FAT4: variants seen among roughly 807,000 people sequenced by gnomAD.
The protein encoded by FAT4 is protocadherin Fat 4.
A neutral mutation model predicts 303.9 loss-of-function variants in FAT4; 84 were observed. That is an observed-to-expected ratio of 0.28 (90% CI 0.23 to 0.33). FAT4 has a LOEUF of 0.33. Ranked by LOEUF, FAT4 falls within the 10% of genes least tolerant of loss-of-function variation. The probability of loss-of-function intolerance (pLI) is 1.00; values close to 1 mark genes in which losing one functional copy is unlikely to be tolerated. For missense variants in FAT4, 6,005 were observed against 6,146.8 expected (o/e 0.98, Z 0.77); for synonymous variants, 2,307 against 2,298.8 (o/e 1.00, Z -0.10).
intron 12 of FAT4, among the ~76,000 whole-genome samples, chr4:125,472,511 A>G (rs1029023926): frequency 1.3e-5 from 2 of 152,182 alleles, no homozygotes; most frequent in African/African-American, 4.8e-5. Context: ...CCAATTTCAT[A>G]AGGGCATAAG....
chr4:125,438,656 C>G (rs908341712), intron 8 of FAT4, among the ~76,000 whole-genome samples: 2 of 152,020 alleles, frequency 1.3e-5, no homozygotes, highest in African/African-American at 2.4e-5. Flanking sequence ...ATTAACAGGG[C>G]AAACAATTAT....
chr4:125,336,730 T>C (rs899819719), intron 2 of FAT4, among the ~76,000 whole-genome samples: 3 of 151,948 alleles, frequency 2.0e-5, no homozygotes, highest in African/African-American at 7.2e-5. Context: ...TGGTCTTAGT[T>C]GTATTTTAAT....
rs114990775 is a variant in FAT4 at position 125,455,252 on chromosome 4, G to A, written c.11800+2442G>A. On this transcript the variant is annotated intron_variant, in intron 10 of 17. Transcript: ENST00000394329. ...TGTATTAGGTATGGATAAGAAACAT[G>A]GAAAGTACTACTGGTGTGAACAAAG... Among the ~76,000 whole-genome samples, 569 of 152,264 alleles carry A rather than the reference G, an allele frequency of 3.7e-3. 1 individual carries two copies. Among genetic ancestry groups the A allele is most frequent in the African/African-American group, 0.013 (528 of 41,550 alleles).
At chr4:125,417,954 G>A (rs1189462803) in intron 7 of FAT4, among the ~76,000 whole-genome samples, 1 of 152,102 alleles carries the variant, frequency 6.6e-6, no homozygotes, top group East Asian at 1.9e-4. Flanking sequence ...AATTCCCTTG[G>A]ATACTCTTGA....
At chr4:125,333,338 C>G (rs755592275) in intron 2 of FAT4, among the ~76,000 whole-genome samples, 52 of 152,128 alleles carry the variant, frequency 3.4e-4, no homozygotes, top group Non-Finnish European at 6.3e-4. Context: ...CAAAACAGAC[C>G]TATTTTAAAG....
In FAT4 at chr4:125,481,722, A is replaced by T. The variant is rs763019614; in HGVS notation, c.12806A>T (p.Asn4269Ile). ...GVLIHIQESSNYTTVKIKNGK... is the reference protein window; with the variant it reads ...GVLIHIQESSIYTTVKIKNGK... The stretch of plus-strand genomic sequence containing the variant: ...TTAATCCATATCCAAGAAAGCAGCA[A>T]TTACACTACTGTGAAGGTGAGATAA... The change falls in exon 16 of 18, where the codon AAT (asparagine) becomes ATT (isoleucine). Residue 4269 changes from asparagine to isoleucine, a missense_variant. Coordinates refer to ENST00000394329, the MANE Select transcript of FAT4 (RefSeq NM_001291303.3). 6.2e-7 allele frequency: 1 copy of T among 1,613,948 alleles called. No individual in the cohort carries two copies. Among genetic ancestry groups the T allele is most frequent in the Non-Finnish European group, 8.5e-7 (1 of 1,179,842 alleles).
intron 12 of FAT4, among the ~76,000 whole-genome samples, chr4:125,471,554 ATCTTT>A (rs1181587553): frequency 1.3e-5 from 2 of 152,180 alleles, no homozygotes; most frequent in Non-Finnish European, 2.9e-5. Context: ...AATGCATCAC[ATCTTT>A]TCTTTATTAA....
At chr4:125,418,147 A>G (rs560757172) in intron 7 of FAT4, among the ~76,000 whole-genome samples, 4 of 152,304 alleles carry the variant, frequency 2.6e-5, no homozygotes, top group South Asian at 2.1e-4. Flanking sequence ...TATGGCAGCT[A>G]TTAGATCCCA....
chr4:125,337,098 C>T (rs1731605402), intron 2 of FAT4, among the ~76,000 whole-genome samples: 1 of 151,786 alleles, frequency 6.6e-6, no homozygotes, highest in South Asian at 2.1e-4. Flanking sequence ...CACTGGTCTT[C>T]AATTGTTATA....
chr4:125,434,676 G>A (rs1725394963), intron 8 of FAT4, among the ~76,000 whole-genome samples: 1 of 151,568 alleles, frequency 6.6e-6, no homozygotes, highest in Admixed American at 6.6e-5. Flanking sequence ...TTGTGGTTTG[G>A]GACTACACTG....
At chr4:125,390,503 A>G (rs1042711190) in intron 2 of FAT4, among the ~76,000 whole-genome samples, 3 of 152,212 alleles carry the variant, frequency 2.0e-5, no homozygotes, top group Admixed American at 2.0e-4. Flanking sequence ...GAGATTCCAT[A>G]CAGAAAAGTA....
chr4:125,340,775 A>G (rs1015936324), intron 2 of FAT4, among the ~76,000 whole-genome samples: 4 of 152,176 alleles, frequency 2.6e-5, no homozygotes, highest in Admixed American at 1.3e-4. Context: ...ATTAGCAGTA[A>G]TAGTAACAGC....
intron 14 of FAT4, among the ~76,000 whole-genome samples, chr4:125,478,899 T>G (rs555644632): frequency 6.6e-6 from 1 of 152,062 alleles, no homozygotes; most frequent in Non-Finnish European, 1.5e-5. Context: ...TAGCTTCCCA[T>G]CTCACCCAGC....
At position 125,319,271 on chromosome 4, in the gene FAT4, C is replaced by A. The variant is rs1024558745; in HGVS notation, c.2860C>A (p.Pro954Thr). Residue 954 changes from proline (P) to threonine (T), a missense_variant, in exon 2 of 18, where the codon CCC becomes ACC. Transcript: ENST00000394329. ...GAATGGCACTATTAGTCTGCTTGGG[C>A]CCCTGGATGTTCATGCTGGCTCCTA... ...EKNGTISLLG[P>T]LDVHAGSYQI... 2 of 1,613,972 alleles carry A rather than the reference C, an allele frequency of 1.2e-6. No individual in the cohort carries two copies. Among genetic ancestry groups the A allele is most frequent in the Non-Finnish European group, 1.7e-6 (2 of 1,180,010 alleles).
At chr4:125,357,363 G>A (rs1578555384) in intron 2 of FAT4, among the ~76,000 whole-genome samples, 1 of 152,138 alleles carries the variant, frequency 6.6e-6, no homozygotes, top group East Asian at 1.9e-4. Flanking sequence ...CAGTTAAATT[G>A]ATACAGATTC....
chr4:125,318,625 C>T lies in FAT4; in HGVS notation c.2214C>T (p.Val738=), dbSNP rs753314680. 1.2e-6 allele frequency: 2 copies of T among 1,613,896 alleles called. No individual in the cohort carries two copies. Among genetic ancestry groups the T allele is most frequent in the African/African-American group, 1.3e-5 (1 of 74,878 alleles). The change falls in exon 2 of 18, where the codon GTC becomes GTT. Residue 738 remains valine, a synonymous_variant. Coordinates refer to ENST00000394329, the MANE Select transcript of FAT4 (RefSeq NM_001291303.3). The stretch of plus-strand genomic sequence containing the variant: ...CTGGGGACAGGTCTCGGTTTCAGGT[C>T]AATGCTCAGAGTGGGGTTATTTCTA... The part of the protein sequence containing the change: ...ISAGDRSRFQ[V]NAQSGVISTR...
At chr4:125,401,054 G>C (rs1473131705) in intron 3 of FAT4, among the ~76,000 whole-genome samples, 1 of 151,900 alleles carries the variant, frequency 6.6e-6, no homozygotes, top group Non-Finnish European at 1.5e-5. Context: ...GTAACTAGGT[G>C]CACCTACAAC....
rs148710851 is a variant in FAT4 at position 125,326,997 on chromosome 4, G to T, written c.5175+5411G>T. 1.3e-3 allele frequency among the ~76,000 whole-genome samples: 192 copies of T among 152,218 alleles called. 1 individual carries two copies. The highest frequency in any genetic ancestry group is 4.4e-3 in the African/African-American group (183 of 41,562). ...CTGAGATCATGCCATTGCACTCCAGGCTGGGTGACAGAATTAGACTTTATC... is the reference window on the plus strand; with the variant it reads ...CTGAGATCATGCCATTGCACTCCAGTCTGGGTGACAGAATTAGACTTTATC... On this transcript the variant is annotated intron_variant, in intron 2 of 17. Transcript: ENST00000394329.
At chr4:125,392,034 C>CTAATT (rs1291660969) in intron 2 of FAT4, among the ~76,000 whole-genome samples, 1 of 152,046 alleles carries the variant, frequency 6.6e-6, no homozygotes, top group Non-Finnish European at 1.5e-5. Flanking sequence ...ATAGAAGTCT[C>CTAATT]TAATTTAAGT....
Sources: allele counts gnomAD v4.1 joint callset (sites outside exome capture counted in the v4.1 genomes callset), GRCh38; gene constraint gnomAD v4.1.1; transcripts MANE v1.5; gene names NCBI Gene and HGNC (gene_info 2026-07-23, HGNC 2026-07-21).